KMT2C: variants seen among roughly 807,000 people sequenced by gnomAD.
The protein encoded by KMT2C is histone-lysine N-methyltransferase 2C.
Under a neutral mutation model 507.9 loss-of-function variants are expected in KMT2C, and 88 were observed. The ratio of observed to expected loss-of-function variants is 0.17; its 90% CI spans 0.15 to 0.21. KMT2C has a LOEUF of 0.21. Ranked by LOEUF, KMT2C falls within the 10% of genes least tolerant of loss-of-function variation. The pLI, the probability that KMT2C is intolerant of heterozygous loss-of-function variation, is 1.00. For missense variants in KMT2C, 4,954 were observed against 5,957.8 expected (o/e 0.83, Z 5.55); for synonymous variants, 2,049 against 2,080.8 (o/e 0.98, Z 0.42).
At position 152,309,507 on chromosome 7, in the gene KMT2C, CTTT is replaced by C. The variant is rs60166582; in HGVS notation, c.849+456_849+458del. Among the ~76,000 whole-genome samples, 243 of 87,970 alleles carry C rather than the reference CTTT, an allele frequency of 2.8e-3. 3 individuals carry two copies. The highest frequency in any genetic ancestry group is 0.011 in the African/African-American group (226 of 21,070). The allele number at this position is 87,970 out of a possible 152,430, so 57.7% of individuals were successfully genotyped here. A position where few individuals can be genotyped will look rare whatever the true frequency, so the allele number is the denominator to read the frequency against. On this transcript the variant is annotated intron_variant, in intron 6 of 58. Coordinates refer to ENST00000262189, the MANE Select transcript of KMT2C (RefSeq NM_170606.3). ...CCCGGCTAATTTTTGCATAAAATAACTTTTTTTTTTTTTTTTTTTTTTTTTTTA... is the reference window on the plus strand; with the variant it reads ...CCCGGCTAATTTTTGCATAAAATAACTTTTTTTTTTTTTTTTTTTTTTTTA...
intron 9 of KMT2C, among the ~76,000 whole-genome samples, chr7:152,255,459 C>T (rs561144938): frequency 1.4e-4 from 22 of 151,932 alleles, no homozygotes; most frequent in Admixed American, 3.3e-4. Context: ...AGCCACTGCA[C>T]CCAGACACTC....
intron 6 of KMT2C, among the ~76,000 whole-genome samples, chr7:152,297,053 G>GAAAGAAAGAAAGAAAGAAAGAA (rs1554622595): frequency 1.2e-5 from 1 of 81,468 alleles, no homozygotes; most frequent in Non-Finnish European, 2.2e-5. Context: ...AAGAAAGAAA[G>GAAAGAAAGAAAGAAAGAAAGAA]ACAGAGAGAG....
intron 44 of KMT2C, among the ~76,000 whole-genome samples, chr7:152,157,359 G>T (rs189907409): frequency 1.2e-4 from 18 of 151,532 alleles, no homozygotes; most frequent in Admixed American, 1.1e-3. Context: ...AATAGTCTAG[G>T]AATTACTTGT....
chr7:152,290,292 A>G (rs1428118209), intron 6 of KMT2C, among the ~76,000 whole-genome samples: 4 of 28,596 alleles, frequency 1.4e-4, no homozygotes, highest in African/African-American at 7.1e-4. Flanking sequence ...ATATATATAT[A>G]TATTTTTTTT....
chr7:152,390,018 A>C (rs2097477605), intron 1 of KMT2C, among the ~76,000 whole-genome samples: 1 of 152,246 alleles, frequency 6.6e-6, no homozygotes, highest in African/African-American at 2.4e-5. Context: ...CAATGAGTAC[A>C]TGTGAACATA....
At chr7:152,182,706 T>C in intron 35 of KMT2C, 112 bp from the exon 36 acceptor site, 4 of 963,164 alleles carry the variant, frequency 4.2e-6, no homozygotes, top group Middle Eastern at 2.9e-4. Context: ...CGCTACCAGA[T>C]TGCTCCCATA....
At chr7:152,316,884 A>G (rs540136636) in intron 3 of KMT2C, among the ~76,000 whole-genome samples, 4 of 151,976 alleles carry the variant, frequency 2.6e-5, no homozygotes, top group Non-Finnish European at 5.9e-5. Context: ...CCAAAAAGAG[A>G]CCACCACCTT....
At chr7:152,252,496 A>G (rs1475325346) in intron 10 of KMT2C, 50 bp downstream of exon 10, 2 of 1,478,776 alleles carry the variant, frequency 1.4e-6, no homozygotes, top group South Asian at 2.3e-5. Context: ...AAATGACCAC[A>G]TGAATAAAAC....
At chr7:152,410,025 T>G (rs1473346192) in intron 1 of KMT2C, among the ~76,000 whole-genome samples, 2 of 152,284 alleles carry the variant, frequency 1.3e-5, no homozygotes, top group African/African-American at 4.8e-5. Context: ...TTATTCTCAT[T>G]ACTCTTAAAT....
At chr7:152,360,243 C>T (rs979342216) in intron 1 of KMT2C, among the ~76,000 whole-genome samples, 3 of 151,378 alleles carry the variant, frequency 2.0e-5, no homozygotes, top group Admixed American at 1.3e-4. Context: ...TTTGGGAGGC[C>T]GAGGTGGGTG....
At chr7:152,355,277 T>C (rs2097142848) in intron 2 of KMT2C, among the ~76,000 whole-genome samples, 1 of 152,156 alleles carries the variant, frequency 6.6e-6, no homozygotes, top group Non-Finnish European at 1.5e-5. Context: ...AGAGAGGGTT[T>C]CAGGATAACA....
chr7:152,246,466 G>A (rs2095475672), intron 14 of KMT2C, among the ~76,000 whole-genome samples: 1 of 151,978 alleles, frequency 6.6e-6, no homozygotes, highest in Admixed American at 6.6e-5. Flanking sequence ...GGAACATAAA[G>A]TCTACAGAAA....
intron 6 of KMT2C, among the ~76,000 whole-genome samples, chr7:152,305,682 T>C (rs533169449): frequency 6.6e-6 from 1 of 152,204 alleles, no homozygotes; most frequent in African/African-American, 2.4e-5. Context: ...GAAAATGCAA[T>C]ATTATCATTA....
chr7:152,231,037 T>A (rs543345427), intron 16 of KMT2C, among the ~76,000 whole-genome samples: 25 of 152,266 alleles, frequency 1.6e-4, no homozygotes, highest in African/African-American at 5.5e-4. Flanking sequence ...GGCTGGTCTC[T>A]AACTCCTGAC....
chr7:152,195,099 C>G (rs1480657706), intron 28 of KMT2C, among the ~76,000 whole-genome samples: 1 of 152,012 alleles, frequency 6.6e-6, no homozygotes, highest in Admixed American at 6.5e-5. Flanking sequence ...ATGTACATTA[C>G]ATTTTATAAA....
intron 1 of KMT2C, among the ~76,000 whole-genome samples, chr7:152,396,278 T>A (rs1436112842): frequency 6.6e-6 from 1 of 152,112 alleles, no homozygotes; most frequent in African/African-American, 2.4e-5. Context: ...CAAAAGATAT[T>A]TTGACAGAAA....
intron 7 of KMT2C, among the ~76,000 whole-genome samples, chr7:152,269,171 T>C (rs2095912526): frequency 1.3e-5 from 2 of 152,188 alleles, no homozygotes; most frequent in Non-Finnish European, 2.9e-5. Context: ...GTCACAAAAA[T>C]CACTTTTTAG....
intron 1 of KMT2C, among the ~76,000 whole-genome samples, chr7:152,361,352 A>G (rs1293536363): frequency 1.3e-5 from 2 of 152,106 alleles, no homozygotes; most frequent in Non-Finnish European, 2.9e-5. Flanking sequence ...CGAGGTCAGG[A>G]GATCGAGACC....
intron 6 of KMT2C, among the ~76,000 whole-genome samples, chr7:152,277,977 G>A (rs2096117385): frequency 6.6e-6 from 1 of 152,048 alleles, no homozygotes; most frequent in Non-Finnish European, 1.5e-5. Flanking sequence ...TTATGTATGT[G>A]TGTGTGTGTA....
Sources: allele counts gnomAD v4.1 joint callset (sites outside exome capture counted in the v4.1 genomes callset), GRCh38; gene constraint gnomAD v4.1.1; transcripts MANE v1.5; gene names NCBI Gene and HGNC (gene_info 2026-07-23, HGNC 2026-07-21).